Variants in ATP11A observed in about 807,000 individuals in gnomAD.
ATP11A encodes phospholipid-transporting ATPase IH.
ATP11A carries 81 observed loss-of-function variants against 154.4 expected under a neutral mutation model. The observed-to-expected ratio is 0.52, with a 90% CI of 0.44 to 0.63. The LOEUF (loss-of-function observed/expected upper bound fraction) is 0.63, where lower values mean the gene tolerates loss of function less well. Among genes scored for constraint, ATP11A ranks in the 30% least tolerant of loss-of-function variants. ATP11A has a pLI of 0.00. For missense variants in ATP11A, 1,316 were observed against 1,474.3 expected, an observed-to-expected ratio of 0.89 and a Z score of 1.76; for synonymous variants, 623 against 585.9, an observed-to-expected ratio of 1.06 and a Z score of -0.91.
At chr13:112,719,511 T>C (rs1933136524) in intron 1 of ATP11A, among the ~76,000 whole-genome samples, 1 of 152,252 alleles carries the variant, frequency 6.6e-6, no homozygotes, top group Non-Finnish European at 1.5e-5. Flanking sequence ...GTTATAGATC[T>C]GATTGGATTT....
At chr13:112,763,200 G>A (rs374334193) in intron 1 of ATP11A, among the ~76,000 whole-genome samples, 12 of 152,236 alleles carry the variant, frequency 7.9e-5, no homozygotes, top group Admixed American at 5.9e-4. Flanking sequence ...GTTGTAAACC[G>A]AAAACAAAAT....
At chr13:112,771,784 G>A (rs1030141513) in intron 1 of ATP11A, among the ~76,000 whole-genome samples, 7 of 152,238 alleles carry the variant, frequency 4.6e-5, no homozygotes, top group Non-Finnish European at 7.3e-5. Context: ...GTAAACCATA[G>A]TAATAGTATA....
chr13:112,742,273 G>A (rs1313375784), intron 1 of ATP11A, among the ~76,000 whole-genome samples: 1 of 152,178 alleles, frequency 6.6e-6, no homozygotes, highest in Non-Finnish European at 1.5e-5. Flanking sequence ...GGGAACCCTT[G>A]GGGGGTGGGG....
intron 1 of ATP11A, among the ~76,000 whole-genome samples, chr13:112,736,919 T>C (rs1041019289): frequency 1.3e-5 from 2 of 152,074 alleles, no homozygotes; most frequent in African/African-American, 2.4e-5. Flanking sequence ...CAGGGCAGCG[T>C]TGGAAGGCTG....
At chr13:112,879,909 G>A (rs1023661761) in intron 29 of ATP11A, among the ~76,000 whole-genome samples, 1 of 152,192 alleles carries the variant, frequency 6.6e-6, no homozygotes, top group East Asian at 1.9e-4. Flanking sequence ...TGCCCGTGCT[G>A]GCATCTCTGC....
At chr13:112,719,315 C>T (rs1440467089) in intron 1 of ATP11A, among the ~76,000 whole-genome samples, 1 of 152,206 alleles carries the variant, frequency 6.6e-6, no homozygotes, top group African/African-American at 2.4e-5. Context: ...TAAAAAGACT[C>T]AATGCCTTGC....
intron 6 of ATP11A, 112 bp downstream of exon 6, chr13:112,816,323 T>A: frequency 7.1e-7 from 1 of 1,407,812 alleles, no homozygotes; most frequent in Non-Finnish European, 9.7e-7. Context: ...CGTTTTCATG[T>A]AACCCAGGGA....
At chr13:112,691,159 C>T (rs897029051) in intron 1 of ATP11A, among the ~76,000 whole-genome samples, 1 of 151,940 alleles carries the variant, frequency 6.6e-6, no homozygotes, top group African/African-American at 2.4e-5. Context: ...GAATCCCTGG[C>T]GTTAGGTGTA....
rs115103063 is a variant in ATP11A, at chr13:112,766,212, A to G, written c.40-18923A>G. ...GAGGCAATCTCTGCCTCTCCATGCA[A>G]GGTCGTCCAACCTGCCTTATTTTGT... On this transcript the variant is annotated intron_variant, in intron 1 of 29. Transcript: ENST00000375645. Among the ~76,000 whole-genome samples the G allele has an allele frequency of 3.8e-3, 576 of 150,242 alleles. 3 individuals are homozygous for G. Among genetic ancestry groups the G allele is most frequent in the African/African-American group, 0.014 (545 of 39,862 alleles).
intron 1 of ATP11A, among the ~76,000 whole-genome samples, chr13:112,694,279 A>G (rs1047559165): frequency 2.0e-5 from 3 of 152,234 alleles, no homozygotes; most frequent in Non-Finnish European, 4.4e-5. Context: ...TGGAGAGCCA[A>G]GAATGGGGAA....
chr13:112,873,760 G>A lies in ATP11A; in HGVS notation c.3161+84G>A, dbSNP rs890897215. 3.8e-5 allele frequency: 51 copies of A among 1,349,610 alleles called. No homozygotes were observed. In the African/African-American group the frequency reaches 4.0e-4, roughly 11 times the overall value. 83.6% of individuals were successfully genotyped at this position (1,349,610 alleles called of 1,614,324 possible). A position where few individuals can be genotyped will look rare whatever the true frequency, so the allele number is the denominator to read the frequency against. On this transcript the variant is annotated intron_variant, in intron 27 of 29. Transcript: ENST00000375645. ...ATCAAGGGTTGAAGACACATTTTCC[G>A]TGCGGCCCTGTTGGTTGGGGCAAGT...
intron 12 of ATP11A, among the ~76,000 whole-genome samples, chr13:112,829,929 A>G (rs984752230): frequency 7.2e-5 from 11 of 152,226 alleles, no homozygotes; most frequent in African/African-American, 2.7e-4. Flanking sequence ...AAAGACTTTA[A>G]TAAACTTGCT....
At chr13:112,791,454 G>A (rs1438847742) in intron 2 of ATP11A, among the ~76,000 whole-genome samples, 3 of 152,260 alleles carry the variant, frequency 2.0e-5, no homozygotes, top group Non-Finnish European at 4.4e-5. Context: ...TCACAGGGAA[G>A]AAACCAGCAG....
chr13:112,812,548 G>A (rs934207399), intron 5 of ATP11A, among the ~76,000 whole-genome samples: 11 of 152,196 alleles, frequency 7.2e-5, no homozygotes, highest in African/African-American at 1.7e-4. Context: ...GAACCTCTCC[G>A]GACAAGGCCG....
intron 1 of ATP11A, among the ~76,000 whole-genome samples, chr13:112,692,769 G>C (rs1268265558): frequency 6.6e-6 from 1 of 152,080 alleles, no homozygotes; most frequent in Non-Finnish European, 1.5e-5. Context: ...TTAAGTTCAT[G>C]TCTATGGTAT....
At chr13:112,800,572 G>GAA (rs553388141) in intron 2 of ATP11A, among the ~76,000 whole-genome samples, 1 of 139,042 alleles carries the variant, frequency 7.2e-6, no homozygotes, top group African/African-American at 2.6e-5. Flanking sequence ...AACATTTAAG[G>GAA]AAAAAAAAAA....
chr13:112,742,251 G>A (rs577679561), intron 1 of ATP11A, among the ~76,000 whole-genome samples: 1 of 152,302 alleles, frequency 6.6e-6, no homozygotes, highest in South Asian at 2.1e-4. Context: ...TGTTGCATGG[G>A]AAATGCAGCA....
At chr13:112,819,580 G>C (rs559667975) in intron 7 of ATP11A, among the ~76,000 whole-genome samples, 173 bp downstream of exon 7, 55 of 152,264 alleles carry the variant, frequency 3.6e-4, no homozygotes, top group African/African-American at 1.3e-3. Flanking sequence ...TCATAGACTT[G>C]TACCACTCAG....
rs556666043 is a variant in ATP11A, at chr13:112,743,037, C to G, written c.40-42098C>G. Among the ~76,000 whole-genome samples, 9 of 152,294 alleles carry G rather than the reference C, an allele frequency of 5.9e-5. No homozygotes were observed. The East Asian group carries it at 1.7e-3, about 29-fold the overall frequency. ...CAGTGTATGACAGCACATGTGCCAGCAGACCTCACCTGTGCAGAGGGTTCT... is the reference window on the plus strand; with the variant it reads ...CAGTGTATGACAGCACATGTGCCAGGAGACCTCACCTGTGCAGAGGGTTCT... On this transcript the variant is annotated intron_variant, in intron 1 of 29. Transcript: ENST00000375645.
Sources: allele counts gnomAD v4.1 joint callset (sites outside exome capture counted in the v4.1 genomes callset), GRCh38; gene constraint gnomAD v4.1.1; transcripts MANE v1.5; gene names NCBI Gene and HGNC (gene_info 2026-07-23, HGNC 2026-07-21).